Variants in CADM2 observed in about 807,000 individuals in gnomAD.
CADM2 encodes the protein immunoglobulin superfamily member 4D.
Under a neutral mutation model 49.8 loss-of-function variants are expected in CADM2, and 12 were observed. That is an observed-to-expected ratio of 0.24 (90% CI 0.15 to 0.39). The LOEUF (loss-of-function observed/expected upper bound fraction) is 0.39, where lower values mean the gene tolerates loss of function less well. CADM2 is among the 10% of genes least tolerant of loss of function. The probability of loss-of-function intolerance (pLI) is 1.00; values close to 1 mark genes in which losing one functional copy is unlikely to be tolerated. For synonymous variants in CADM2, 214 were observed against 175.4 expected, an observed-to-expected ratio of 1.22 and a Z score of -1.74; for missense variants, 378 against 492.3, an observed-to-expected ratio of 0.77 and a Z score of 2.20.
intron 6 of CADM2, among the ~76,000 whole-genome samples, chr3:85,921,588 TC>T (rs1255735024): frequency 6.6e-6 from 1 of 152,188 alleles, no homozygotes; most frequent in East Asian, 1.9e-4. Flanking sequence ...CCTTATAGTT[TC>T]CCCTATTATT....
chr3:85,052,619 C>G (rs1161095853), intron 1 of CADM2, among the ~76,000 whole-genome samples: 2 of 152,110 alleles, frequency 1.3e-5, no homozygotes, highest in African/African-American at 2.4e-5. Context: ...AAAAAATCAA[C>G]TCTAAATTCT....
chr3:85,857,151 T>C (rs1235711146), intron 3 of CADM2, among the ~76,000 whole-genome samples: 2 of 152,170 alleles, frequency 1.3e-5, no homozygotes, highest in African/African-American at 2.4e-5. Flanking sequence ...AGGTCTCTTT[T>C]ATAAGGGTGC....
intron 1 of CADM2, among the ~76,000 whole-genome samples, chr3:85,324,141 A>C (rs1177735257): frequency 6.6e-6 from 1 of 152,200 alleles, no homozygotes. Flanking sequence ...TTAGCACTCA[A>C]ATATTTGCTC....
chr3:85,068,558 GA>G (rs2036604507), intron 1 of CADM2, among the ~76,000 whole-genome samples: 1 of 152,070 alleles, frequency 6.6e-6, no homozygotes, highest in Admixed American at 6.6e-5. Flanking sequence ...AGTACATTGA[GA>G]AAAATGCTCA....
intron 1 of CADM2, among the ~76,000 whole-genome samples, chr3:85,569,698 T>C (rs371745256): frequency 1.1e-5 from 1 of 90,492 alleles, no homozygotes; most frequent in Non-Finnish European, 2.4e-5. Flanking sequence ...ACCTTTCTAA[T>C]GGCAAAAAAA....
At chr3:85,378,981 C>T (rs1576449179) in intron 1 of CADM2, among the ~76,000 whole-genome samples, 1 of 151,960 alleles carries the variant, frequency 6.6e-6, no homozygotes, top group East Asian at 1.9e-4. Context: ...TTAGAAGCAA[C>T]CATCAATGTA....
At chr3:85,178,154 T>C (rs2040835005) in intron 1 of CADM2, among the ~76,000 whole-genome samples, 1 of 151,850 alleles carries the variant, frequency 6.6e-6, no homozygotes. Flanking sequence ...AATATAGAAG[T>C]CAGTTTTCCT....
chr3:86,042,634 G>C (rs559671344), intron 8 of CADM2, among the ~76,000 whole-genome samples: 1 of 152,188 alleles, frequency 6.6e-6, no homozygotes, highest in Non-Finnish European at 1.5e-5. Context: ...ATTCACAGCT[G>C]AATTCTACCA....
chr3:85,544,118 G>A (rs1559899620), intron 1 of CADM2, among the ~76,000 whole-genome samples: 1 of 152,094 alleles, frequency 6.6e-6, no homozygotes, highest in Non-Finnish European at 1.5e-5. Flanking sequence ...CTAATGTCAA[G>A]TAAGACACAG....
In CADM2 at chr3:85,622,144, T is replaced by A. The variant is rs539195615; in HGVS notation, c.62-104378T>A. 2.0e-5 allele frequency among the ~76,000 whole-genome samples: 3 copies of A among 152,302 alleles called. No homozygotes were observed. In the East Asian group the frequency reaches 5.8e-4, roughly 29 times the overall value. On this transcript the variant is annotated intron_variant, in intron 1 of 9. Coordinates refer to ENST00000383699, the MANE Select transcript of CADM2 (RefSeq NM_001167675.2). The stretch of plus-strand genomic sequence containing the variant: ...AAACTATAGATTCTTACAAATACAT[T>A]GTACAGATAGATGCCTTCACCACCA...
intron 8 of CADM2, among the ~76,000 whole-genome samples, chr3:85,999,762 G>T (rs1242152809): frequency 6.6e-6 from 1 of 152,134 alleles, no homozygotes; most frequent in Non-Finnish European, 1.5e-5. Flanking sequence ...TTTTAATGAA[G>T]TGATTAGATA....
At chr3:85,826,944 T>A (rs902487223) in intron 3 of CADM2, among the ~76,000 whole-genome samples, 13 of 151,952 alleles carry the variant, frequency 8.6e-5, no homozygotes, top group African/African-American at 3.1e-4. Flanking sequence ...GCTGTTACAT[T>A]CTGATTACAA....
At chr3:85,557,366 ACAAC>A (rs1323406520) in intron 1 of CADM2, among the ~76,000 whole-genome samples, 5 of 151,948 alleles carry the variant, frequency 3.3e-5, no homozygotes, top group South Asian at 2.1e-4. Flanking sequence ...AATAAAATAA[ACAAC>A]TAACAGTTAT....
chr3:85,940,023 C>CAA (rs10717960), intron 7 of CADM2, among the ~76,000 whole-genome samples: 1 of 146,868 alleles, frequency 6.8e-6, no homozygotes, highest in Non-Finnish European at 1.5e-5. Flanking sequence ...TTAACAACAA[C>CAA]AAAAAAAAAA....
At chr3:84,999,407 C>G (rs768723098) in intron 1 of CADM2, among the ~76,000 whole-genome samples, 68 of 152,084 alleles carry the variant, frequency 4.5e-4, no homozygotes, top group Non-Finnish European at 4.0e-4. Context: ...AGAGGTGTAA[C>G]TCTTGCCTGA....
intron 8 of CADM2, among the ~76,000 whole-genome samples, chr3:85,963,487 C>T (rs1455059799): frequency 6.6e-6 from 1 of 151,828 alleles, no homozygotes; most frequent in African/African-American, 2.4e-5. Flanking sequence ...ATCATGCAGT[C>T]ATGTAAGGAA....
At chr3:85,852,648 A>G (rs1436674644) in intron 3 of CADM2, among the ~76,000 whole-genome samples, 5 of 152,158 alleles carry the variant, frequency 3.3e-5, no homozygotes, top group African/African-American at 1.2e-4. Context: ...CTGTAAATCT[A>G]GAAACATAAT....
intron 1 of CADM2, among the ~76,000 whole-genome samples, chr3:85,493,359 C>T (rs1031100403): frequency 6.6e-6 from 1 of 152,018 alleles, no homozygotes; most frequent in Non-Finnish European, 1.5e-5. Flanking sequence ...TTAGCTGTAA[C>T]CTTCCAAAAG....
At chr3:85,936,541 G>A (rs557939738) in intron 7 of CADM2, among the ~76,000 whole-genome samples, 79 of 151,676 alleles carry the variant, frequency 5.2e-4, no homozygotes, top group African/African-American at 1.8e-3. Context: ...TCTAATACAG[G>A]AACACTCTAG....
Sources: gnomAD v4.1 joint callset for allele counts (sites outside exome capture counted in the v4.1 genomes callset) on GRCh38, gnomAD v4.1.1 for gene constraint, MANE v1.5 for transcripts, NCBI Gene and HGNC (gene_info 2026-07-23, HGNC 2026-07-21) for gene names.